Variants in KLF12 observed in about 807,000 individuals in gnomAD.
KLF12 encodes the protein KLF transcription factor 12.
KLF12 carries 9 observed loss-of-function variants against 37.8 expected under a neutral mutation model. The observed-to-expected ratio is 0.24, with a 90% confidence interval of 0.14 to 0.42. The LOEUF is 0.42. KLF12 is among the 10% of genes least tolerant of loss of function. The probability of loss-of-function intolerance (pLI) is 1.00; values close to 1 mark genes in which losing one functional copy is unlikely to be tolerated. For missense variants in KLF12, 411 were observed against 516.0 expected (o/e 0.80, Z 1.97); for synonymous variants, 208 against 202.1 (o/e 1.03, Z -0.25).
chr13:73,748,025 A>G (rs1878489735), intron 6 of KLF12, among the ~76,000 whole-genome samples: 1 of 152,184 alleles, frequency 6.6e-6, no homozygotes, highest in African/African-American at 2.4e-5. Flanking sequence ...TCTGGTGAAA[A>G]CTGACTTCAT....
intron 1 of KLF12, among the ~76,000 whole-genome samples, chr13:74,052,363 G>A (rs1286868965): frequency 6.6e-6 from 1 of 152,088 alleles, no homozygotes; most frequent in African/African-American, 2.4e-5. Flanking sequence ...AGATAATTCT[G>A]AGAATTACAT....
At chr13:74,018,228 T>C (rs1483885577) in intron 1 of KLF12, among the ~76,000 whole-genome samples, 1 of 152,160 alleles carries the variant, frequency 6.6e-6, no homozygotes, top group Non-Finnish European at 1.5e-5. Context: ...AAATACTGCA[T>C]GATCTCACTC....
intron 6 of KLF12, among the ~76,000 whole-genome samples, chr13:73,738,106 T>TACAC (rs1223436241): frequency 9.4e-6 from 1 of 106,634 alleles, no homozygotes; most frequent in African/African-American, 4.2e-5. Flanking sequence ...TATATATATA[T>TACAC]ATATATATAT....
chr13:74,006,861 G>A lies in KLF12; in HGVS notation c.-31-11808C>T, dbSNP rs146590001. On this transcript the variant is annotated intron_variant, in intron 1 of 7. Coordinates refer to ENST00000377669, the MANE Select transcript of KLF12 (RefSeq NM_007249.5). ...AGGTCCTCATTTAACAAGTCTGAAC[G>A]ATTGCTCATCTCTAGTCTCTGCTCT... Among the ~76,000 whole-genome samples, 659 of 152,218 alleles carry A rather than the reference G, an allele frequency of 4.3e-3. 3 individuals are homozygous for A. The highest frequency in any genetic ancestry group is 0.013 in the African/African-American group (552 of 41,546).
chr13:73,706,503 G>A (rs1874956410), intron 7 of KLF12, among the ~76,000 whole-genome samples: 1 of 152,220 alleles, frequency 6.6e-6, no homozygotes, highest in Non-Finnish European at 1.5e-5. Flanking sequence ...TGTCTAAACA[G>A]TAACTCTCCA....
At chr13:74,141,465 T>C in the KLF12 span, among the ~76,000 whole-genome samples, 3 of 152,154 alleles carry the variant, frequency 2.0e-5, no homozygotes, top group Admixed American at 6.5e-5. Flanking sequence ...ATGATACTGA[T>C]TTCCATAGCT....
At chr13:74,164,969 A>G in the KLF12 span, among the ~76,000 whole-genome samples, 1 of 152,210 alleles carries the variant, frequency 6.6e-6, no homozygotes, top group East Asian at 1.9e-4. Flanking sequence ...GATAGAATGA[A>G]TAAAATCTAG....
At chr13:74,004,996 G>A (rs1040246492) in intron 1 of KLF12, among the ~76,000 whole-genome samples, 5 of 151,010 alleles carry the variant, frequency 3.3e-5, no homozygotes, top group Admixed American at 6.6e-5. Context: ...CTTTGATAAC[G>A]TCTTTAAAAT....
rs1299985921 is a variant in KLF12, at chr13:73,845,271, A to G, written c.670+556T>C. 3 of 152,392 alleles carry G rather than the reference A, an allele frequency of 2.0e-5. No individual in the cohort carries two copies. In the East Asian group the frequency reaches 5.8e-4, roughly 29 times the overall value. 9.4% of individuals were successfully genotyped at this position (152,392 alleles called of 1,614,324 possible). ...AGAAGTTAGTAACACAAGCTACATG[A>G]TACTACTATAGTCAAACACCTAATT... On this transcript the variant is annotated intron_variant, in intron 4 of 7. Coordinates refer to ENST00000377669, the MANE Select transcript of KLF12 (RefSeq NM_007249.5).
chr13:73,856,044 A>C, intron 3 of KLF12, among the ~76,000 whole-genome samples: 1 of 152,204 alleles, frequency 6.6e-6, no homozygotes, highest in Non-Finnish European at 1.5e-5. Context: ...AGGCACACAC[A>C]GGTATATGTA....
chr13:74,169,251 G>A, the KLF12 span, among the ~76,000 whole-genome samples: 3 of 152,178 alleles, frequency 2.0e-5, no homozygotes, highest in Non-Finnish European at 4.4e-5. Context: ...ATTTGTGGCT[G>A]CAAGAGTTCT....
intron 6 of KLF12, among the ~76,000 whole-genome samples, chr13:73,731,839 T>G (rs1253401459): frequency 2.0e-5 from 3 of 152,190 alleles, no homozygotes; most frequent in Non-Finnish European, 2.9e-5. Flanking sequence ...GACTGAAAGA[T>G]GTGAGTTCAG....
chr13:73,783,303 G>T (rs1805634256), intron 5 of KLF12, among the ~76,000 whole-genome samples: 1 of 152,136 alleles, frequency 6.6e-6, no homozygotes, highest in Admixed American at 6.5e-5. Flanking sequence ...ACAGTAGAAT[G>T]ATGGTTACCA....
intron 1 of KLF12, among the ~76,000 whole-genome samples, chr13:74,051,333 C>CACAA: frequency 1.2e-5 from 1 of 86,392 alleles, no homozygotes; most frequent in Middle Eastern, 5.6e-3. Context: ...TGTATACATA[C>CACAA]ACACACAAAC....
intron 3 of KLF12, among the ~76,000 whole-genome samples, chr13:73,942,968 C>T (rs983086588): frequency 2.0e-5 from 3 of 152,154 alleles, no homozygotes; most frequent in African/African-American, 4.8e-5. Flanking sequence ...GGATCCATAA[C>T]CTTGAATGTT....
the KLF12 span, among the ~76,000 whole-genome samples, chr13:74,219,410 A>G: frequency 6.6e-6 from 1 of 151,866 alleles, no homozygotes; most frequent in Non-Finnish European, 1.5e-5. Flanking sequence ...ACAAACTATG[A>G]ATGCATCATA....
chr13:74,110,011 G>A (rs960291242), intron 1 of KLF12, among the ~76,000 whole-genome samples: 3 of 152,012 alleles, frequency 2.0e-5, no homozygotes, highest in African/African-American at 7.3e-5. Flanking sequence ...AAATGATGTG[G>A]GACTAAGAGA....
chr13:74,042,098 G>A (rs988971205), intron 1 of KLF12, among the ~76,000 whole-genome samples: 4 of 152,038 alleles, frequency 2.6e-5, no homozygotes, highest in African/African-American at 9.7e-5. Context: ...TAGGTGAGGA[G>A]TTCAAGACCA....
intron 3 of KLF12, among the ~76,000 whole-genome samples, chr13:73,916,200 C>G (rs919177839): frequency 7.1e-6 from 1 of 141,090 alleles, no homozygotes; most frequent in Non-Finnish European, 1.5e-5. Context: ...TGGGGAAGAG[C>G]TAATACTTAC....
Sources: allele counts gnomAD v4.1 joint callset (sites outside exome capture counted in the v4.1 genomes callset), GRCh38; gene constraint gnomAD v4.1.1; transcripts MANE v1.5; gene names NCBI Gene and HGNC (gene_info 2026-07-23, HGNC 2026-07-21).